The following RBKS variants were observed in gnomAD, a reference collection of about 807,000 sequenced individuals.
RBKS encodes the protein ribokinase.
RBKS carries 33 observed loss-of-function variants against 33.9 expected under a neutral mutation model. The ratio of observed to expected loss-of-function variants is 0.97; its 90% CI spans 0.74 to 1.30. RBKS has a LOEUF of 1.30. RBKS is among the 50% of genes most tolerant of loss of function. The pLI is 0.00. For synonymous variants in RBKS, 125 were observed against 143.0 expected (o/e 0.87, Z 0.90); for missense variants, 361 against 392.6 (o/e 0.92, Z 0.68).
intron 7 of RBKS, among the ~76,000 whole-genome samples, chr2:27,811,391 G>A (rs1558538861): frequency 6.6e-6 from 1 of 152,204 alleles, no homozygotes; most frequent in Non-Finnish European, 1.5e-5. Context: ...TGCTGAATAA[G>A]AAAGTGTACA....
At chr2:27,833,269 G>T (rs968272501) in intron 5 of RBKS, among the ~76,000 whole-genome samples, 2 of 152,202 alleles carry the variant, frequency 1.3e-5, no homozygotes, top group Non-Finnish European at 2.9e-5. Flanking sequence ...TAAGCGGGAA[G>T]CTCATGTGCG....
intron 7 of RBKS, among the ~76,000 whole-genome samples, chr2:27,805,663 C>T (rs1677882280): frequency 6.6e-6 from 1 of 152,114 alleles, no homozygotes; most frequent in South Asian, 2.1e-4. Context: ...CAACCTCTAC[C>T]TTCCGGGTTC....
At position 27,795,165 on chromosome 2, in the gene RBKS, TA is replaced by T. The variant is rs1056516323; in HGVS notation, c.796-13378del. Among the ~76,000 whole-genome samples, 1 of 152,158 alleles carries T rather than the reference TA, an allele frequency of 6.6e-6. No individual in the cohort carries two copies. Among genetic ancestry groups the T allele is most frequent in the African/African-American group, 2.4e-5 (1 of 41,446 alleles). The stretch of plus-strand genomic sequence containing the variant: ...GACTCCTTAGAGTTTTACAATCCCT[TA>T]AAAGTCCTGTGTGTTCAATTAATGC... On this transcript the variant is annotated intron_variant, in intron 7 of 7. Transcript: ENST00000302188. The surrounding 1 kb of genome is among the most constrained non-coding windows in gnomAD (Gnocchi z 4.1).
intron 7 of RBKS, among the ~76,000 whole-genome samples, chr2:27,799,077 G>C (rs1025673538): frequency 6.6e-6 from 1 of 152,126 alleles, no homozygotes; most frequent in Non-Finnish European, 1.5e-5. Context: ...CAGGAGGATG[G>C]GTGCTGAGCG....
Position 27,836,491 on chromosome 2 carries a change from T to G in RBKS, c.515-3714A>C, listed in dbSNP as rs116507466. 8.1e-3 allele frequency among the ~76,000 whole-genome samples: 1,234 copies of G among 152,182 alleles called. 12 individuals carry two copies. Among genetic ancestry groups the G allele is most frequent in the African/African-American group, 0.028 (1,162 of 41,526 alleles). ...CTTATCTTTCACCATATACAAAAAT[T>G]AACTCAAGATGGATTAAATATTTTA... is the stretch of plus-strand genomic sequence containing the variant. On this transcript the variant is annotated intron_variant, in intron 5 of 7. Transcript: ENST00000302188.
In RBKS at chr2:27,844,086, C is replaced by T. The variant is rs1444895853; in HGVS notation, c.350-855G>A. 2.0e-5 allele frequency among the ~76,000 whole-genome samples: 3 copies of T among 151,908 alleles called. No individual in the cohort carries two copies. In the East Asian group the frequency reaches 5.8e-4, roughly 29 times the overall value. Reference sequence around the variant, plus strand: ...GACCAGCCTGGTCAAATGGTGAAAACCCATCTCTACTAAAATTACAAAAAT... The same window carrying T: ...GACCAGCCTGGTCAAATGGTGAAAATCCATCTCTACTAAAATTACAAAAAT... On this transcript the variant is annotated intron_variant, in intron 4 of 7. Transcript: ENST00000302188.
At chr2:27,797,339 T>C (rs935335757) in intron 7 of RBKS, among the ~76,000 whole-genome samples, 9 of 152,318 alleles carry the variant, frequency 5.9e-5, no homozygotes, top group East Asian at 1.9e-4. Flanking sequence ...GCTTCTTCTA[T>C]AATAATTTGC....
Position 27,837,756 on chromosome 2 carries a change from A to G in RBKS, c.515-4979T>C, listed in dbSNP as rs1187426626. On this transcript the variant is annotated intron_variant, in intron 5 of 7. Transcript: ENST00000302188. The surrounding 1 kb of genome is among the most constrained non-coding windows in gnomAD (Gnocchi z 4.0). The stretch of plus-strand genomic sequence containing the variant: ...AACCAAATACCACATGTATTCACTT[A>G]TAAGTGGGGGCTAAATATTGAGTAC... Among the ~76,000 whole-genome samples, 5 of 152,234 alleles carry G rather than the reference A, an allele frequency of 3.3e-5. No individual in the cohort carries two copies. Among genetic ancestry groups the G allele is most frequent in the East Asian group, 1.9e-4 (1 of 5,198 alleles).
At chr2:27,831,941 T>C (rs1248312428) in intron 6 of RBKS, among the ~76,000 whole-genome samples, 1 of 152,186 alleles carries the variant, frequency 6.6e-6, no homozygotes, top group African/African-American at 2.4e-5. Flanking sequence ...AATTTAACTA[T>C]TATGGTTCAT....
chr2:27,883,533 A>G (rs113164546), intron 1 of RBKS, among the ~76,000 whole-genome samples: 5 of 152,246 alleles, frequency 3.3e-5, no homozygotes, highest in African/African-American at 7.2e-5. Flanking sequence ...TTAGCACACT[A>G]TAAGTATTTC....
intron 7 of RBKS, among the ~76,000 whole-genome samples, chr2:27,815,548 T>A (rs75205844): frequency 0.012 from 1,771 of 152,248 alleles, 42 homozygotes; most frequent in African/African-American, 0.04. Flanking sequence ...CCTAGAAACA[T>A]TGTCACTCAA....
intron 5 of RBKS, among the ~76,000 whole-genome samples, chr2:27,838,162 T>C (rs1389945614): frequency 2.6e-5 from 4 of 152,094 alleles, no homozygotes; most frequent in Admixed American, 6.6e-5. Context: ...ATCATGCCAC[T>C]GCACTCCAGC....
At chr2:27,789,535 A>G (rs1677467898) in intron 7 of RBKS, among the ~76,000 whole-genome samples, 1 of 150,918 alleles carries the variant, frequency 6.6e-6, no homozygotes, top group Non-Finnish European at 1.5e-5. Context: ...AGTAGCTGGG[A>G]GTATAGATGT....
chr2:27,824,461 T>C (rs1678275973), intron 7 of RBKS, among the ~76,000 whole-genome samples: 1 of 152,236 alleles, frequency 6.6e-6, no homozygotes, highest in African/African-American at 2.4e-5. Flanking sequence ...ATATTTCATT[T>C]AAATGGAATC....
At chr2:27,797,498 G>A (rs150588342) in intron 7 of RBKS, among the ~76,000 whole-genome samples, 254 of 152,352 alleles carry the variant, frequency 1.7e-3, no homozygotes, top group African/African-American at 5.7e-3. Context: ...ATCTGTGCAG[G>A]AATTCAGCAG....
intron 1 of RBKS, among the ~76,000 whole-genome samples, chr2:27,883,808 A>C (rs994135243): frequency 2.8e-4 from 40 of 141,656 alleles, no homozygotes; most frequent in African/African-American, 1.0e-3. Context: ...CAATCCTCCC[A>C]CATCGGCCTC....
At chr2:27,835,546 G>GT (rs1163156311) in intron 5 of RBKS, among the ~76,000 whole-genome samples, 1 of 145,208 alleles carries the variant, frequency 6.9e-6, no homozygotes, top group Non-Finnish European at 1.5e-5. Context: ...AGCCTCCCAA[G>GT]TAGCTGGGAC....
intron 5 of RBKS, among the ~76,000 whole-genome samples, chr2:27,839,948 T>A (rs1272198436): frequency 1.3e-5 from 2 of 152,094 alleles, no homozygotes; most frequent in Non-Finnish European, 2.9e-5. Flanking sequence ...CATTTGCTGA[T>A]TGATTATGAA....
intron 1 of RBKS, among the ~76,000 whole-genome samples, chr2:27,863,601 C>A (rs1315676538): frequency 6.6e-6 from 1 of 152,212 alleles, no homozygotes; most frequent in Admixed American, 6.5e-5. Context: ...AGTCTTTCAA[C>A]CAAAGAGGTC....
Sources: allele counts gnomAD v4.1 joint callset (sites outside exome capture counted in the v4.1 genomes callset), GRCh38; gene constraint gnomAD v4.1.1; non-coding constraint Gnocchi (gnomAD v3.1); transcripts MANE v1.5; gene names NCBI Gene and HGNC (gene_info 2026-07-23, HGNC 2026-07-21).